ALG13: variants seen among roughly 807,000 people sequenced by gnomAD.
ALG13 encodes the protein UDP-N-acetylglucosamine transferase subunit ALG13.
In ALG13, 11 loss-of-function variants were observed where a neutral mutation model predicts 87.8. The observed-to-expected ratio is 0.13, with a 90% CI of 0.08 to 0.21. The LOEUF is 0.21. Ranked by LOEUF, ALG13 falls within the 10% of genes least tolerant of loss-of-function variation. The pLI, the probability that ALG13 is intolerant of heterozygous loss-of-function variation, is 1.00. For synonymous variants in ALG13, 320 were observed against 306.3 expected (o/e 1.04, Z -0.47); for missense variants, 756 against 866.1 (o/e 0.87, Z 1.60).
intron 9 of ALG13, 28 bp from the exon 10 acceptor site, chrX:111,718,084 A>G (rs1940893292): frequency 9.6e-6 from 11 of 1,143,306 alleles, no homozygotes; most frequent in Middle Eastern, 2.4e-4. Flanking sequence ...TATTTTGACA[A>G]TTGGAATTTT....
intron 11 of ALG13, 47 bp downstream of exon 11, chrX:111,720,217 G>T: frequency 1.1e-6 from 1 of 933,576 alleles, no homozygotes; most frequent in Non-Finnish European, 1.5e-6. Context: ...TTGGCTTGCA[G>T]CATCATGACT....
At chrX:111,708,556 T>C (rs772827706) in intron 4 of ALG13, among the ~76,000 whole-genome samples, 163 bp downstream of exon 4, 5 of 111,864 alleles carry the variant, frequency 4.5e-5, no homozygotes, top group Non-Finnish European at 9.4e-5. Flanking sequence ...ATTAGCTTGG[T>C]GCATGCCTTT....
At chrX:111,717,318 T>G (rs184767594) in intron 8 of ALG13, among the ~76,000 whole-genome samples, 2 of 111,551 alleles carry the variant, frequency 1.8e-5, no homozygotes, top group East Asian at 5.6e-4. Flanking sequence ...ATTGAGGAAG[T>G]CTCTCTAGCA....
At chrX:111,693,164 C>CTTTTTTTTTT (rs61239915) in intron 3 of ALG13, among the ~76,000 whole-genome samples, 2 of 55,113 alleles carry the variant, frequency 3.6e-5, no homozygotes, top group African/African-American at 6.5e-5. Flanking sequence ...GTTTTTAATT[C>CTTTTTTTTTT]TTTTTTTTTT....
rs1941832460 is a variant in ALG13, at chrX:111,725,121, T to C, written c.1729+60T>C. On this transcript the variant is annotated intron_variant, in intron 15 of 26. Transcript: ENST00000394780. ...CTTCCTGTACCTGCTTTTACTTACC[T>C]GCATTGTACTATTTTTTAAATGTAT... 3.5e-6 allele frequency: 4 copies of C among 1,143,937 alleles called. No homozygotes were observed. The East Asian group carries it at 1.2e-4, about 34-fold the overall frequency. 94.3% of individuals were successfully genotyped at this position (1,143,937 alleles called of 1,213,427 possible). A position where few individuals can be genotyped will look rare whatever the true frequency, so the allele number is the denominator to read the frequency against.
chrX:111,759,056 A>T (rs1459386218), intron 26 of ALG13, among the ~76,000 whole-genome samples: 1 of 109,483 alleles, frequency 9.1e-6, no homozygotes, highest in African/African-American at 3.3e-5. Context: ...TGTGCAGTAT[A>T]CCTTTTATAG....
chrX:111,683,716 G>T (rs1182222160), intron 2 of ALG13, among the ~76,000 whole-genome samples: 3 of 111,111 alleles, frequency 2.7e-5, no homozygotes, highest in Non-Finnish European at 5.7e-5. Flanking sequence ...CAATCTCCTT[G>T]CTCTCATTTA....
At chrX:111,753,045 GA>G in intron 25 of ALG13, 1 of 345,831 alleles carries the variant, frequency 2.9e-6, no homozygotes, top group Non-Finnish European at 5.0e-6. Flanking sequence ...AAACTGAAGA[GA>G]GGGGTACTGG....
At chrX:111,723,185 T>G (rs1016510543) in intron 13 of ALG13, among the ~76,000 whole-genome samples, 2 of 108,057 alleles carry the variant, frequency 1.9e-5, no homozygotes, top group African/African-American at 6.8e-5. Context: ...GGAGTCTTGC[T>G]CTGTCTCCCA....
chrX:111,688,336 C>G (rs1471835265), intron 3 of ALG13: 1 of 715,480 alleles, frequency 1.4e-6, no homozygotes, highest in East Asian at 1.5e-4. Context: ...GTTTGATACT[C>G]CTTAGAATAA....
At position 111,711,665 on chromosome X, in the gene ALG13, AT is replaced by A; in HGVS notation, c.835-5del. 1 of 1,203,752 alleles carries A rather than the reference AT, an allele frequency of 8.3e-7. No homozygotes were observed. The highest frequency in any genetic ancestry group is 1.1e-6 in the Non-Finnish European group (1 of 890,499). ...TATTTGGTTAAGTTGAGTTTGTTTT[AT>A]TTTTGAAGTATGTGGAGGGATCTTT... On this transcript the variant is annotated splice_polypyrimidine_tract_variant and intron_variant, in intron 5 of 26. Coordinates refer to ENST00000394780, the MANE Select transcript of ALG13 (RefSeq NM_001099922.3).
intron 4 of ALG13, 61 bp from the exon 5 acceptor site, chrX:111,708,904 A>G: frequency 1.3e-6 from 1 of 768,233 alleles, no homozygotes; most frequent in Non-Finnish European, 1.9e-6. Context: ...CATAGTCTTG[A>G]TTTAGAAGTG....
intron 7 of ALG13, 56 bp from the exon 8 acceptor site, chrX:111,713,169 A>G (rs1002511823): frequency 1.7e-5 from 13 of 771,112 alleles, no homozygotes; most frequent in African/African-American, 1.2e-4. Context: ...TCCTATAACT[A>G]TCTCTTACGT....
chrX:111,707,975 A>G (rs1939075821), intron 3 of ALG13, 52 bp from the exon 4 acceptor site: 1 of 1,143,149 alleles, frequency 8.7e-7, no homozygotes. Flanking sequence ...TCTCCTGCTT[A>G]GTCTGAGTTC....
chrX:111,720,282 T>G, intron 11 of ALG13, 112 bp downstream of exon 11: 1 of 397,994 alleles, frequency 2.5e-6, no homozygotes. Flanking sequence ...AGGGAGGAGT[T>G]GGTCATTTTC....
At chrX:111,739,781 C>T (rs909772865) in intron 23 of ALG13, among the ~76,000 whole-genome samples, 2 of 112,678 alleles carry the variant, frequency 1.8e-5, no homozygotes, top group Non-Finnish European at 3.7e-5. Context: ...TCACTAGCCA[C>T]GTGTGGAAAC....
intron 1 of ALG13, chrX:111,681,508 C>T: frequency 3.9e-6 from 4 of 1,019,206 alleles, no homozygotes; most frequent in Non-Finnish European, 5.1e-6. Context: ...TGCCTGTTTC[C>T]TCTTCCCATT....
intron 25 of ALG13, among the ~76,000 whole-genome samples, chrX:111,756,340 C>T (rs922519075): frequency 1.8e-5 from 2 of 111,469 alleles, no homozygotes; most frequent in African/African-American, 6.5e-5. Flanking sequence ...TAGAAAACCA[C>T]CATGGCACAT....
chrX:111,751,374 T>A (rs1411146048), intron 24 of ALG13, among the ~76,000 whole-genome samples: 3 of 112,048 alleles, frequency 2.7e-5, no homozygotes, highest in South Asian at 3.7e-4. Context: ...GCCATAAGCA[T>A]AACGCCCAGT....
Sources: gnomAD v4.1 joint callset for allele counts (sites outside exome capture counted in the v4.1 genomes callset) on GRCh38, gnomAD v4.1.1 for gene constraint, MANE v1.5 for transcripts, NCBI Gene and HGNC (gene_info 2026-07-23, HGNC 2026-07-21) for gene names.